The following ZCCHC10 variants were observed in gnomAD, a reference collection of about 807,000 sequenced individuals.
ZCCHC10 encodes the protein zinc finger CCHC domain-containing protein 10.
In ZCCHC10, 16 loss-of-function variants were observed where a neutral mutation model predicts 19.5. The observed-to-expected ratio is 0.82, with a 90% CI of 0.56 to 1.25. The LOEUF (loss-of-function observed/expected upper bound fraction) is 1.25. Ranked by LOEUF, ZCCHC10 falls within the 50% of genes most tolerant of loss-of-function variation. The pLI, the probability that ZCCHC10 is intolerant of heterozygous loss-of-function variation, is 0.00. For missense variants in ZCCHC10, 197 were observed against 201.0 expected (o/e 0.98, Z 0.12); for synonymous variants, 67 against 72.5 (o/e 0.92, Z 0.38).
intron 2 of ZCCHC10, among the ~76,000 whole-genome samples, chr5:133,010,171 C>T (rs1763404619): frequency 6.6e-6 from 1 of 151,518 alleles, no homozygotes; most frequent in Non-Finnish European, 1.5e-5. Context: ...GCCTCAGCTT[C>T]GGGAGTAGCT....
chr5:133,017,044 T>G (rs2126632644), intron 2 of ZCCHC10, among the ~76,000 whole-genome samples: 1 of 152,266 alleles, frequency 6.6e-6, no homozygotes, highest in Non-Finnish European at 1.5e-5. Flanking sequence ...AAACAACTTT[T>G]GTTAAACTGC....
intron 1 of ZCCHC10, among the ~76,000 whole-genome samples, chr5:133,024,188 G>A (rs1764518647): frequency 1.3e-5 from 2 of 152,198 alleles, no homozygotes; most frequent in African/African-American, 2.4e-5. Context: ...GTATTATTCA[G>A]ATGCTAAGTC....
intron 2 of ZCCHC10, among the ~76,000 whole-genome samples, chr5:133,008,263 G>C (rs1363180485): frequency 9.3e-5 from 14 of 150,486 alleles, no homozygotes; most frequent in Non-Finnish European, 2.1e-4. Flanking sequence ...AATCAGGCCG[G>C]GAGCAGTGGC....
intron 2 of ZCCHC10, among the ~76,000 whole-genome samples, chr5:133,014,192 T>C (rs1360174301): frequency 6.7e-6 from 1 of 148,252 alleles, no homozygotes; most frequent in Non-Finnish European, 1.5e-5. Flanking sequence ...GGAGTTTTGC[T>C]CTTGTTGCCC....
At chr5:133,005,978 CTTTTTTT>C (rs760600232) in intron 3 of ZCCHC10, among the ~76,000 whole-genome samples, 4 of 97,778 alleles carry the variant, frequency 4.1e-5, no homozygotes, top group Non-Finnish European at 7.6e-5. Flanking sequence ...GAAGATGCTG[CTTTTTTT>C]TTTTTTTTTT....
chr5:133,001,395 T>C (rs112594015), intron 3 of ZCCHC10, among the ~76,000 whole-genome samples: 3,093 of 135,770 alleles, frequency 0.023, 112 homozygotes, highest in African/African-American at 0.09. Flanking sequence ...TGTCTCAAAA[T>C]AAAAACAACA....
chr5:133,026,523 C>T lies in ZCCHC10; in HGVS notation c.15G>A (p.Met5Ile). 3 of 1,613,760 alleles carry T rather than the reference C, an allele frequency of 1.9e-6. No homozygotes were observed. The highest frequency in any genetic ancestry group is 2.5e-6 in the Non-Finnish European group (3 of 1,179,920). Residue 5 changes from methionine to isoleucine, a missense_variant, in exon 1 of 5, where the codon ATG becomes ATA. Met to Ile is a conservative substitution (Grantham distance 10, BLOSUM62 1). Coordinates refer to ENST00000509437, the MANE Select transcript of ZCCHC10 (RefSeq NM_001300816.3). MATP[M>I]HRLIARRQAF... Reference sequence around the variant, plus strand: ...CTTGTCTCCGGGCTATTAGCCGATGCATGGGAGTCGCCATCTTAGCGCGGT... The same window carrying T: ...CTTGTCTCCGGGCTATTAGCCGATGTATGGGAGTCGCCATCTTAGCGCGGT...
chr5:133,008,598 C>T (rs561086651), intron 2 of ZCCHC10, among the ~76,000 whole-genome samples: 3 of 150,654 alleles, frequency 2.0e-5, no homozygotes, highest in South Asian at 4.2e-4. Context: ...GCTGAAATGG[C>T]TCAGGTCTGT....
intron 2 of ZCCHC10, among the ~76,000 whole-genome samples, chr5:133,012,293 C>T (rs62381928): frequency 6.6e-6 from 1 of 151,062 alleles, no homozygotes; most frequent in Non-Finnish European, 1.5e-5. Context: ...CACAGTGAAA[C>T]CCCATCTTTA....
intron 1 of ZCCHC10, among the ~76,000 whole-genome samples, chr5:133,024,033 A>G (rs992691747): frequency 1.3e-5 from 2 of 152,186 alleles, no homozygotes; most frequent in Non-Finnish European, 2.9e-5. Context: ...ATAATATGCC[A>G]CATGTTTGCT....
At chr5:133,016,280 C>G (rs1763914060) in intron 2 of ZCCHC10, among the ~76,000 whole-genome samples, 2 of 152,166 alleles carry the variant, frequency 1.3e-5, no homozygotes, top group Admixed American at 1.3e-4. Flanking sequence ...AACACACACA[C>G]CTACTCACCT....
At chr5:133,022,946 A>T (rs1389707566) in intron 1 of ZCCHC10, 40 bp from the exon 2 acceptor site, 3 of 501,602 alleles carry the variant, frequency 6.0e-6, no homozygotes, top group Non-Finnish European at 1.1e-5. Context: ...GGTAAGTCTG[A>T]CACTTAAGTC....
intron 3 of ZCCHC10, among the ~76,000 whole-genome samples, chr5:133,000,520 A>G (rs564799472): frequency 6.6e-6 from 1 of 152,338 alleles, no homozygotes; most frequent in Admixed American, 6.5e-5. Context: ...CAAAGCTAAT[A>G]GCACAATAGC....
intron 2 of ZCCHC10, among the ~76,000 whole-genome samples, chr5:133,018,533 A>G: frequency 6.6e-6 from 1 of 151,946 alleles, no homozygotes; most frequent in East Asian, 1.9e-4. Context: ...CCAAGTAGCT[A>G]GGACTACAGG....
chr5:133,020,460 A>AAAAAT (rs1764227947), intron 2 of ZCCHC10, among the ~76,000 whole-genome samples: 1 of 151,996 alleles, frequency 6.6e-6, no homozygotes, highest in Non-Finnish European at 1.5e-5. Context: ...ATATAAATAA[A>AAAAAT]AAAATAAAAT....
At chr5:133,008,737 C>A (rs941834512) in intron 2 of ZCCHC10, among the ~76,000 whole-genome samples, 8 of 149,778 alleles carry the variant, frequency 5.3e-5, no homozygotes, top group African/African-American at 2.0e-4. Flanking sequence ...CAGGGCCAGG[C>A]CTGGTGGTTC....
intron 3 of ZCCHC10, among the ~76,000 whole-genome samples, chr5:133,003,768 T>C (rs933896365): frequency 6.6e-6 from 1 of 152,218 alleles, no homozygotes; most frequent in African/African-American, 2.4e-5. Context: ...TGGAGTGCAG[T>C]GGTGTGATTT....
In ZCCHC10 at chr5:132,998,577, G is replaced by A. The variant is rs1440021216; in HGVS notation, c.*6C>T. The A allele has an allele frequency of 6.2e-7, 1 of 1,610,458 alleles. No individual in the cohort carries two copies. Among genetic ancestry groups the A allele is most frequent in the Non-Finnish European group, 8.5e-7 (1 of 1,178,780 alleles). ...AGTCCATCAGTCCAATATGAATGGA[G>A]CAACTCTATTTCTTTTTCTTCTTCT... On this transcript the variant is annotated 3_prime_UTR_variant, in exon 5 of 5. Transcript: ENST00000509437.
chr5:133,006,913 T>G lies in ZCCHC10; in HGVS notation c.115A>C (p.Asn39His). The change falls in exon 3 of 5, where the codon AAT becomes CAT. Residue 39 changes from asparagine (N) to histidine (H), a missense_variant. Coordinates refer to ENST00000509437, the MANE Select transcript of ZCCHC10 (RefSeq NM_001300816.3). ...IQPSIVISEA[N>H]KQHVRCQKCL... Reference sequence around the variant, plus strand: ...TTCTGACATCTTACATGTTGCTTATTTGCTTCACTACAGAACAAAAAACAG... The same window carrying G: ...TTCTGACATCTTACATGTTGCTTATGTGCTTCACTACAGAACAAAAAACAG... The G allele has an allele frequency of 1.9e-6, 3 of 1,607,562 alleles. No individual in the cohort carries two copies. The highest frequency in any genetic ancestry group is 2.5e-6 in the Non-Finnish European group (3 of 1,177,876).
Sources: allele counts gnomAD v4.1 joint callset (sites outside exome capture counted in the v4.1 genomes callset), GRCh38; gene constraint gnomAD v4.1.1; transcripts MANE v1.5; gene names NCBI Gene and HGNC (gene_info 2026-07-23, HGNC 2026-07-21).